EML5: variants seen among roughly 807,000 people sequenced by gnomAD.
The protein encoded by EML5 is EMAP like 5.
EML5 carries 120 observed loss-of-function variants against 250.0 expected under a neutral mutation model. That is an observed-to-expected ratio of 0.48 (90% CI 0.41 to 0.56). The LOEUF (loss-of-function observed/expected upper bound fraction) is 0.56. Ranked by LOEUF, EML5 falls within the 20% of genes least tolerant of loss-of-function variation. EML5 has a pLI of 0.00. For synonymous variants in EML5, 771 were observed against 806.5 expected (o/e 0.96, Z 0.75); for missense variants, 2,006 against 2,437.6 (o/e 0.82, Z 3.73).
At chr14:88,692,662 T>C (rs1416649585) in intron 17 of EML5, among the ~76,000 whole-genome samples, 2 of 152,212 alleles carry the variant, frequency 1.3e-5, no homozygotes, top group Non-Finnish European at 2.9e-5. Flanking sequence ...GGTACAACTG[T>C]AGTATATGCT....
intron 15 of EML5, among the ~76,000 whole-genome samples, chr14:88,695,657 C>T (rs1349760505): frequency 2.6e-5 from 4 of 152,068 alleles, no homozygotes; most frequent in African/African-American, 9.7e-5. Context: ...AATGTATCTG[C>T]TCTCATCGCA....
intron 21 of EML5, among the ~76,000 whole-genome samples, chr14:88,675,199 G>A (rs987107196): frequency 1.3e-5 from 2 of 152,236 alleles, no homozygotes; most frequent in Non-Finnish European, 2.9e-5. Context: ...TAGGGACTCT[G>A]TATGGGGGCT....
chr14:88,668,489 T>C (rs576033905), intron 21 of EML5, among the ~76,000 whole-genome samples: 1 of 151,700 alleles, frequency 6.6e-6, no homozygotes, highest in Non-Finnish European at 1.5e-5. Context: ...GTGAATACAC[T>C]GAGAACCAGG....
rs2092703981 is a variant in EML5, at chr14:88,681,036, A to G, written c.3124+854T>C. Among the ~76,000 whole-genome samples the G allele has an allele frequency of 1.3e-5, 2 of 152,238 alleles. 1 individual carries two copies. The highest frequency in any genetic ancestry group is 4.1e-4 in the South Asian group (2 of 4,836). Reference sequence around the variant, plus strand: ...TTATCTGAAATGGGTAGTTAAGATTAAAGATAGAAAAGAGTAAATCTAAAA... The same window carrying G: ...TTATCTGAAATGGGTAGTTAAGATTGAAGATAGAAAAGAGTAAATCTAAAA... On this transcript the variant is annotated intron_variant, in intron 21 of 43. Transcript: ENST00000554922.
intron 21 of EML5, among the ~76,000 whole-genome samples, chr14:88,670,378 C>T (rs1172592985): frequency 6.9e-6 from 1 of 144,238 alleles, no homozygotes; most frequent in Non-Finnish European, 1.5e-5. Context: ...AAAGCATCAA[C>T]AAAAAAAGTC....
intron 21 of EML5, among the ~76,000 whole-genome samples, chr14:88,677,614 C>T (rs1567107262): frequency 6.6e-6 from 1 of 151,978 alleles, no homozygotes; most frequent in Non-Finnish European, 1.5e-5. Flanking sequence ...CAAGAAATAA[C>T]CCCATTAAAA....
At chr14:88,661,037 T>C (rs1349770329) in intron 25 of EML5, among the ~76,000 whole-genome samples, 1 of 152,190 alleles carries the variant, frequency 6.6e-6, no homozygotes, top group Non-Finnish European at 1.5e-5. Flanking sequence ...GTTAATAGTA[T>C]ATATTTAATT....
intron 1 of EML5, among the ~76,000 whole-genome samples, chr14:88,776,473 A>AT (rs1365473449): frequency 6.6e-6 from 1 of 152,102 alleles, no homozygotes; most frequent in African/African-American, 2.4e-5. Flanking sequence ...TACAATTGAC[A>AT]TACTGAAGAA....
rs756949196 is a variant in EML5, at chr14:88,740,422, T to C, written c.676A>G (p.Ile226Val). The C allele has an allele frequency of 2.1e-5, 34 of 1,613,258 alleles. No individual in the cohort carries two copies. The highest frequency in any genetic ancestry group is 3.3e-5 in the Admixed American group (2 of 59,862). The change falls in exon 5 of 44, where the codon ATC becomes GTC. Residue 226 changes from isoleucine to valine, a missense_variant. Coordinates refer to ENST00000554922, the MANE Select transcript of EML5 (RefSeq NM_183387.3). ...CCTTGTATTGTTCGTATAAGATTGA[T>C]TCCTTTCCAAACATATATATCCCCA... ...LNGDIYVWKG[I>V]NLIRTIQGAH...
At chr14:88,729,364 A>C (rs2093717283) in intron 7 of EML5, among the ~76,000 whole-genome samples, 1 of 152,190 alleles carries the variant, frequency 6.6e-6, no homozygotes, top group African/African-American at 2.4e-5. Context: ...AGGGACAGCA[A>C]ACCATGTCCT....
intron 21 of EML5, among the ~76,000 whole-genome samples, chr14:88,671,780 CA>C (rs1222529884): frequency 1.3e-5 from 2 of 151,854 alleles, no homozygotes; most frequent in African/African-American, 2.4e-5. Context: ...GATTTTAAAC[CA>C]AAAAAGATCA....
intron 21 of EML5, among the ~76,000 whole-genome samples, chr14:88,669,503 C>A (rs544061413): frequency 1.3e-5 from 2 of 152,302 alleles, no homozygotes; most frequent in South Asian, 2.1e-4. Context: ...TTAGGTCGGA[C>A]CCTGACCATA....
At chr14:88,729,537 G>A (rs528988265) in intron 7 of EML5, among the ~76,000 whole-genome samples, 1 of 151,910 alleles carries the variant, frequency 6.6e-6, no homozygotes, top group Admixed American at 6.6e-5. Context: ...TTTTATGGAA[G>A]TATAGGCATA....
intron 17 of EML5, among the ~76,000 whole-genome samples, chr14:88,693,921 C>T (rs894532502): frequency 6.6e-6 from 1 of 151,132 alleles, no homozygotes; most frequent in Admixed American, 6.6e-5. Flanking sequence ...CAGGTACACA[C>T]CACCATGCCC....
At chr14:88,715,939 T>TA (rs1187457474) in intron 8 of EML5, among the ~76,000 whole-genome samples, 1 of 152,100 alleles carries the variant, frequency 6.6e-6, no homozygotes, top group Non-Finnish European at 1.5e-5. Flanking sequence ...TCCAAAATAA[T>TA]ACAGATATTA....
chr14:88,657,921 T>G (rs542940177), intron 26 of EML5, among the ~76,000 whole-genome samples: 40 of 152,146 alleles, frequency 2.6e-4, no homozygotes, highest in Non-Finnish European at 4.4e-4. Context: ...TTTTAAAATA[T>G]GAGGTTTAAT....
Position 88,621,210 on chromosome 14 carries a change from T to C in EML5, c.5105A>G (p.Asp1702Gly), listed in dbSNP as rs1188067784. The change falls in exon 38 of 44, where the codon GAT (aspartate) becomes GGT (glycine). Residue 1702 changes from aspartate to glycine, a missense_variant. Physicochemically the swap from Asp to Gly is moderately conservative, Grantham distance 94. Coordinates refer to ENST00000554922, the MANE Select transcript of EML5 (RefSeq NM_183387.3). ...ACNILVNGHV[D>G]GPIWGLATHP... ...TGTTGCTAGTCCCCAGATTGGCCCATCCACATGACCGTTAACTAAAATATT... is the reference window on the plus strand; with the variant it reads ...TGTTGCTAGTCCCCAGATTGGCCCACCCACATGACCGTTAACTAAAATATT... 6.2e-7 allele frequency: 1 copy of C among 1,613,938 alleles called. No individual in the cohort carries two copies. Among genetic ancestry groups the C allele is most frequent in the South Asian group, 1.1e-5 (1 of 91,088 alleles).
intron 27 of EML5, 126 bp downstream of exon 27, chr14:88,657,250 G>C: frequency 1.1e-6 from 1 of 891,252 alleles, no homozygotes; most frequent in Non-Finnish European, 1.7e-6. Flanking sequence ...TCTAAGAGGT[G>C]CTGTGAATTG....
intron 31 of EML5, among the ~76,000 whole-genome samples, chr14:88,639,395 G>T (rs901938825): frequency 6.6e-6 from 1 of 152,184 alleles, no homozygotes; most frequent in East Asian, 1.9e-4. Flanking sequence ...GGTTGGAAAG[G>T]CAGCTTGGGA....
Sources: gnomAD v4.1 joint callset for allele counts (sites outside exome capture counted in the v4.1 genomes callset) on GRCh38, gnomAD v4.1.1 for gene constraint, MANE v1.5 for transcripts, NCBI Gene and HGNC (gene_info 2026-07-23, HGNC 2026-07-21) for gene names.